The following CECR2 variants were observed in gnomAD, a reference collection of about 807,000 sequenced individuals.
CECR2 encodes chromatin remodeling regulator CECR2.
Under a neutral mutation model 154.5 loss-of-function variants are expected in CECR2, and 30 were observed. That is an observed-to-expected ratio of 0.19 (90% confidence interval 0.15 to 0.26). CECR2 has a LOEUF of 0.26. Among genes scored for constraint, CECR2 ranks in the 10% least tolerant of loss-of-function variants. CECR2 has a pLI of 1.00. For missense variants in CECR2, 1,743 were observed against 1,829.3 expected, an observed-to-expected ratio of 0.95 and a Z score of 0.86; for synonymous variants, 725 against 683.7, an observed-to-expected ratio of 1.06 and a Z score of -0.94.
intron 1 of CECR2, among the ~76,000 whole-genome samples, chr22:17,383,713 G>A (rs2063227283): frequency 1.4e-5 from 2 of 145,224 alleles, no homozygotes; most frequent in South Asian, 4.4e-4. Flanking sequence ...CCAGGCTGGA[G>A]CGCAGTGGCA....
intron 1 of CECR2, among the ~76,000 whole-genome samples, chr22:17,423,149 G>C (rs2146609989): frequency 6.6e-6 from 1 of 152,254 alleles, no homozygotes; most frequent in South Asian, 2.1e-4. Flanking sequence ...TGAGGGGTGG[G>C]AAAGCAGGAA....
In CECR2 at chr22:17,447,033, C is replaced by CTGGTTTTTTTTTT. The variant is rs1339121774; in HGVS notation, c.127-30554_127-30553insGGTTTTTTTTTTT. On this transcript the variant is annotated intron_variant, in intron 1 of 18. Coordinates refer to ENST00000262608, the MANE Select transcript of CECR2 (RefSeq NM_001290047.2). ...GAGTGCTGAGTGGTGCGTTTACAATCTTTTTTTTTTTTTTTTTTTGAGACA... is the reference window on the plus strand; with the variant it reads ...GAGTGCTGAGTGGTGCGTTTACAATCTGGTTTTTTTTTTTTTTTTTTTTTTTTTTTTTGAGACA... 4.1e-3 allele frequency among the ~76,000 whole-genome samples: 472 copies of CTGGTTTTTTTTTT among 114,050 alleles called. 12 individuals carry two copies. The highest frequency in any genetic ancestry group is 0.017 in the African/African-American group (452 of 26,646). 74.8% of individuals were successfully genotyped at this position (114,050 alleles called of 152,430 possible).
chr22:17,428,826 G>GTGTGTGTGTGTGTGTGTA (rs369291932), intron 1 of CECR2, among the ~76,000 whole-genome samples: 6 of 150,594 alleles, frequency 4.0e-5, no homozygotes, highest in Admixed American at 6.6e-5. Flanking sequence ...GTGTGTGTGT[G>GTGTGTGTGTGTGTGTGTA]TATATAAAGG....
intron 1 of CECR2, among the ~76,000 whole-genome samples, chr22:17,438,839 G>A (rs1345104965): frequency 6.6e-6 from 1 of 151,946 alleles, no homozygotes; most frequent in Non-Finnish European, 1.5e-5. Context: ...TAATAAAATT[G>A]TAATCGCTAA....
rs114987719 is a variant in CECR2 at position 17,387,601 on chromosome 22, A to T, written c.126+17692A>T. On this transcript the variant is annotated intron_variant, in intron 1 of 18. Transcript: ENST00000262608. The stretch of plus-strand genomic sequence containing the variant: ...TGCCCTGCCCCTCAAAGAGCCTAAC[A>T]CTTCCTCACTTTTGTCTGTGTGCAC... Among the ~76,000 whole-genome samples, 1,068 of 152,210 alleles carry T rather than the reference A, an allele frequency of 7.0e-3. 11 individuals are homozygous for T. The highest frequency in any genetic ancestry group is 0.025 in the African/African-American group (1,026 of 41,546).
At position 17,543,294 on chromosome 22, in the gene CECR2, G is replaced by A. The variant is rs145800894; in HGVS notation, c.2860+291G>A. Among the ~76,000 whole-genome samples, 342 of 152,062 alleles carry A rather than the reference G, an allele frequency of 2.2e-3. 2 individuals are homozygous for A. Among genetic ancestry groups the A allele is most frequent in the African/African-American group, 7.8e-3 (325 of 41,462 alleles). ...ACTACAGGCACCCGCCACCACGCCCGGCTAATTTTTTTGGTATTTTTAGTA... is the reference window on the plus strand; with the variant it reads ...ACTACAGGCACCCGCCACCACGCCCAGCTAATTTTTTTGGTATTTTTAGTA... On this transcript the variant is annotated intron_variant, in intron 16 of 18. Transcript: ENST00000262608.
chr22:17,374,161 A>G (rs2063090851), intron 1 of CECR2, among the ~76,000 whole-genome samples: 1 of 152,198 alleles, frequency 6.6e-6, no homozygotes, highest in African/African-American at 2.4e-5. Context: ...TGATGAAAAT[A>G]ATCTGTCCTG....
chr22:17,464,687 A>G (rs577397794), intron 1 of CECR2, among the ~76,000 whole-genome samples: 41 of 152,134 alleles, frequency 2.7e-4, no homozygotes, highest in Admixed American at 1.2e-3. Flanking sequence ...TTCTTTGTAG[A>G]GATGAGATCT....
rs372864568 is a variant in CECR2, at chr22:17,526,653, AC to A, written c.1108+2383del. 3.0e-4 allele frequency among the ~76,000 whole-genome samples: 45 copies of A among 152,232 alleles called. No homozygotes were observed. The Middle Eastern group carries it at 0.014, about 46-fold the overall frequency. On this transcript the variant is annotated intron_variant, in intron 9 of 18. Coordinates refer to ENST00000262608, the MANE Select transcript of CECR2 (RefSeq NM_001290047.2). ...TTGAAACCCCGTCTCTACTAAAAAT[AC>A]AAAAATTAGCCGGGCACGGTGGCAG...
chr22:17,492,349 A>G (rs540304098), intron 2 of CECR2, among the ~76,000 whole-genome samples: 2 of 152,286 alleles, frequency 1.3e-5, no homozygotes, highest in South Asian at 4.2e-4. Context: ...CAGGGTGCAG[A>G]TATTAACAAT....
chr22:17,366,464 G>A (rs1364852472), upstream of CECR2, among the ~76,000 whole-genome samples: 2 of 152,182 alleles, frequency 1.3e-5, no homozygotes, highest in Non-Finnish European at 2.9e-5. Flanking sequence ...TGAGATTACA[G>A]GCGTCACCTA....
At chr22:17,378,337 T>A (rs1236268719) in intron 1 of CECR2, among the ~76,000 whole-genome samples, 1 of 138,414 alleles carries the variant, frequency 7.2e-6, no homozygotes, top group African/African-American at 2.7e-5. Context: ...TGCTCTGTTG[T>A]CCAGGCTGGA....
At chr22:17,496,838 A>G (rs2055637979) in intron 2 of CECR2, among the ~76,000 whole-genome samples, 1 of 152,212 alleles carries the variant, frequency 6.6e-6, no homozygotes, top group Non-Finnish European at 1.5e-5. Context: ...CCATTCCACC[A>G]GAATGTGCTA....
chr22:17,517,864 C>T (rs948263659), intron 8 of CECR2, among the ~76,000 whole-genome samples: 2 of 152,154 alleles, frequency 1.3e-5, no homozygotes, highest in Non-Finnish European at 2.9e-5. Context: ...CTTCATTTAC[C>T]TTTAAAACAC....
intron 1 of CECR2, among the ~76,000 whole-genome samples, chr22:17,387,999 G>T (rs557406523): frequency 6.6e-6 from 1 of 152,008 alleles, no homozygotes; most frequent in East Asian, 1.9e-4. Flanking sequence ...CTGTCGCCCA[G>T]GCTGGAGTGC....
At chr22:17,470,217 C>G (rs1220712239) in intron 1 of CECR2, among the ~76,000 whole-genome samples, 2 of 151,874 alleles carry the variant, frequency 1.3e-5, no homozygotes, top group Non-Finnish European at 2.9e-5. Context: ...GCAGGCAGAT[C>G]ATTTGAGGTC....
chr22:17,479,409 C>T (rs898587044), intron 2 of CECR2, among the ~76,000 whole-genome samples: 1 of 152,156 alleles, frequency 6.6e-6, no homozygotes, highest in Non-Finnish European at 1.5e-5. Context: ...TGAATCATTA[C>T]AGTAATGATT....
chr22:17,437,740 T>G (rs1186862581), intron 1 of CECR2, among the ~76,000 whole-genome samples: 2 of 152,190 alleles, frequency 1.3e-5, no homozygotes, highest in African/African-American at 4.8e-5. Context: ...AAAAAAAATT[T>G]TAAAGTTTGT....
At chr22:17,370,749 CG>C (rs2063050158) in intron 1 of CECR2, among the ~76,000 whole-genome samples, 7 of 152,250 alleles carry the variant, frequency 4.6e-5, no homozygotes, top group Admixed American at 4.6e-4. Context: ...CGGGAGCTTG[CG>C]GAGCGCGGCG....
Sources: allele counts gnomAD v4.1 joint callset (sites outside exome capture counted in the v4.1 genomes callset), GRCh38; gene constraint gnomAD v4.1.1; transcripts MANE v1.5; gene names NCBI Gene and HGNC (gene_info 2026-07-23, HGNC 2026-07-21).